SLC4A4: variants seen among roughly 807,000 people sequenced by gnomAD.
SLC4A4 encodes electrogenic sodium bicarbonate cotransporter 1.
A neutral mutation model predicts 111.5 loss-of-function variants in SLC4A4; 27 were observed. The ratio of observed to expected loss-of-function variants is 0.24; its 90% CI spans 0.18 to 0.33. The LOEUF is 0.33. Among genes scored for constraint, SLC4A4 ranks in the 10% least tolerant of loss-of-function variants. SLC4A4 has a pLI of 1.00. For missense variants in SLC4A4, 909 were observed against 1,315.5 expected, an observed-to-expected ratio of 0.69 and a Z score of 4.78; for synonymous variants, 443 against 463.4, an observed-to-expected ratio of 0.96 and a Z score of 0.57.
intron 1 of SLC4A4, among the ~76,000 whole-genome samples, chr4:71,065,760 T>C (rs1741502890): frequency 6.6e-6 from 1 of 152,208 alleles, no homozygotes; most frequent in Non-Finnish European, 1.5e-5. Flanking sequence ...ATCATTTCAA[T>C]GTCACTTTCT....
At chr4:71,218,132 G>A (rs1363022918) in intron 1 of SLC4A4, among the ~76,000 whole-genome samples, 1 of 152,200 alleles carries the variant, frequency 6.6e-6, no homozygotes, top group African/African-American at 2.4e-5. Flanking sequence ...CTCCAGAAGG[G>A]AGATGTCATG....
At chr4:71,491,746 A>G (rs958274515) in intron 15 of SLC4A4, among the ~76,000 whole-genome samples, 1 of 151,846 alleles carries the variant, frequency 6.6e-6, no homozygotes, top group African/African-American at 2.4e-5. Flanking sequence ...TTAACATTTA[A>G]TATTAGAAAT....
chr4:71,076,124 T>C (rs1052197854), intron 1 of SLC4A4, among the ~76,000 whole-genome samples: 5 of 152,172 alleles, frequency 3.3e-5, no homozygotes, highest in African/African-American at 1.2e-4. Flanking sequence ...TTATTGTCTT[T>C]CTTCCTCAGC....
At chr4:71,162,747 A>G (rs1217402011) in intron 2 of SLC4A4, among the ~76,000 whole-genome samples, 2 of 152,208 alleles carry the variant, frequency 1.3e-5, no homozygotes, top group East Asian at 1.9e-4. Context: ...AGAAAAAATA[A>G]TTATGATAAT....
At chr4:71,442,415 T>C (rs1005690937) in intron 8 of SLC4A4, among the ~76,000 whole-genome samples, 8 of 152,178 alleles carry the variant, frequency 5.3e-5, no homozygotes, top group African/African-American at 1.9e-4. Context: ...GAACGATATA[T>C]CCTTGCATGT....
chr4:71,360,506 G>C (rs944767304), intron 6 of SLC4A4, among the ~76,000 whole-genome samples: 2 of 152,070 alleles, frequency 1.3e-5, no homozygotes, highest in African/African-American at 2.4e-5. Context: ...ATCTGATTTA[G>C]GAAAAGAGTC....
intron 3 of SLC4A4, among the ~76,000 whole-genome samples, chr4:71,332,155 T>A (rs1324313151): frequency 1.3e-5 from 2 of 152,156 alleles, no homozygotes; most frequent in Non-Finnish European, 2.9e-5. Context: ...ATTGCTTTTT[T>A]AAAATTTCAT....
At chr4:71,489,533 T>C (rs138383558) in intron 15 of SLC4A4, among the ~76,000 whole-genome samples, 1 of 151,766 alleles carries the variant, frequency 6.6e-6, no homozygotes, top group Non-Finnish European at 1.5e-5. Flanking sequence ...TGTAGTCATC[T>C]CTCAGTCAGT....
intron 1 of SLC4A4, among the ~76,000 whole-genome samples, chr4:71,197,661 C>T (rs375845316): frequency 6.6e-6 from 1 of 152,080 alleles, no homozygotes; most frequent in African/African-American, 2.4e-5. Flanking sequence ...ACCAACATGG[C>T]ACATGTATAC....
rs79542504 is a variant in SLC4A4, at chr4:71,410,141, A to G, written c.807+12488A>G. 7.7e-3 allele frequency among the ~76,000 whole-genome samples: 1,168 copies of G among 152,310 alleles called. 16 individuals are homozygous for G. The highest frequency in any genetic ancestry group is 0.025 in the African/African-American group (1,029 of 41,570). On this transcript the variant is annotated intron_variant, in intron 7 of 25. Transcript: ENST00000264485. ...TCTGTTAGGTCAGTGCAGAAGGGAA[A>G]TGAGGGGTTGGATCCCCCACACTGA...
At chr4:71,105,879 A>G (rs1318570975) in intron 2 of SLC4A4, among the ~76,000 whole-genome samples, 4 of 145,706 alleles carry the variant, frequency 2.7e-5, no homozygotes, top group African/African-American at 1.0e-4. Context: ...CTTCATGTCT[A>G]AAACACCAAA....
intron 7 of SLC4A4, chr4:71,437,876 C>A (rs1724312178): frequency 5.4e-6 from 1 of 183,590 alleles, no homozygotes; most frequent in Admixed American, 5.8e-5. Context: ...TGAGCTCCTG[C>A]AGCACCTATT....
intron 12 of SLC4A4, among the ~76,000 whole-genome samples, chr4:71,454,540 G>C (rs1726049390): frequency 6.6e-6 from 1 of 151,860 alleles, no homozygotes; most frequent in African/African-American, 2.4e-5. Flanking sequence ...AGTGATGCCA[G>C]CCAGCTTATT....
At chr4:71,191,296 C>G (rs554285698) in intron 1 of SLC4A4, among the ~76,000 whole-genome samples, 292 of 152,322 alleles carry the variant, frequency 1.9e-3, no homozygotes, top group Non-Finnish European at 2.9e-3. Flanking sequence ...AATGTTGAAA[C>G]TATGTGCCTC....
chr4:71,213,838 C>G (rs1030081739), intron 1 of SLC4A4, among the ~76,000 whole-genome samples: 3 of 152,090 alleles, frequency 2.0e-5, no homozygotes, highest in Non-Finnish European at 2.9e-5. Flanking sequence ...CTTCTGCAAG[C>G]CAGAAAGGAA....
At chr4:71,118,986 C>T (rs556897648) in intron 2 of SLC4A4, among the ~76,000 whole-genome samples, 2 of 152,042 alleles carry the variant, frequency 1.3e-5, no homozygotes, top group South Asian at 4.2e-4. Context: ...ATAGTGGATA[C>T]ATGTCATTAT....
At chr4:71,071,812 G>T (rs1177567545) in intron 1 of SLC4A4, among the ~76,000 whole-genome samples, 1 of 152,102 alleles carries the variant, frequency 6.6e-6, no homozygotes, top group African/African-American at 2.4e-5. Context: ...TATCCCAATT[G>T]TTCTAATATT....
chr4:71,506,685 A>G (rs895685993), intron 16 of SLC4A4, among the ~76,000 whole-genome samples: 1 of 152,168 alleles, frequency 6.6e-6, no homozygotes, highest in Non-Finnish European at 1.5e-5. Flanking sequence ...GATATCATCC[A>G]GGAGAACTTC....
intron 7 of SLC4A4, among the ~76,000 whole-genome samples, chr4:71,433,014 A>G (rs1229883145): frequency 6.6e-6 from 1 of 152,074 alleles, no homozygotes; most frequent in Non-Finnish European, 1.5e-5. Flanking sequence ...CGAAATTCTT[A>G]TCTCCATTCT....
Sources: allele counts gnomAD v4.1 joint callset (sites outside exome capture counted in the v4.1 genomes callset), GRCh38; gene constraint gnomAD v4.1.1; transcripts MANE v1.5; gene names NCBI Gene and HGNC (gene_info 2026-07-23, HGNC 2026-07-21).